AKR1B1: variants seen among roughly 807,000 people sequenced by gnomAD.
The protein encoded by AKR1B1 is aldo-keto reductase family 1 member B1.
Under a neutral mutation model 40.4 loss-of-function variants are expected in AKR1B1, and 22 were observed. That is an observed-to-expected ratio of 0.54 (90% CI 0.39 to 0.78). The LOEUF is 0.78. Ranked by LOEUF, AKR1B1 falls within the 30% of genes least tolerant of loss-of-function variation. AKR1B1 has a pLI of 0.00. For synonymous variants in AKR1B1, 157 were observed against 149.9 expected, an observed-to-expected ratio of 1.05 and a Z score of -0.35; for missense variants, 357 against 396.7, an observed-to-expected ratio of 0.90 and a Z score of 0.85.
At chr7:134,449,832 A>C in intron 3 of AKR1B1, 35 bp from the exon 4 acceptor site, 12 of 1,547,230 alleles carry the variant, frequency 7.8e-6, no homozygotes, top group Non-Finnish European at 1.1e-5. Context: ...AAACAAAACA[A>C]TCAGTAATAG....
rs147630649 is a variant in AKR1B1, at chr7:134,458,429, G to C, written c.66+568C>G. Among the ~76,000 whole-genome samples the C allele has an allele frequency of 2.1e-4, 32 of 152,228 alleles. No homozygotes were observed. The East Asian group carries it at 6.0e-3, about 29-fold the overall frequency. On this transcript the variant is annotated intron_variant, in intron 1 of 9. Coordinates refer to ENST00000285930, the MANE Select transcript of AKR1B1 (RefSeq NM_001628.4). ...TTAACAGCTGGGTCCGGGCAAACTC[G>C]CGCCACCTAATTCTCTGCCCTCTAC...
At chr7:134,456,346 C>G (rs189738940) in intron 1 of AKR1B1, among the ~76,000 whole-genome samples, 267 of 152,024 alleles carry the variant, frequency 1.8e-3, no homozygotes, top group Non-Finnish European at 3.3e-3. Context: ...ACTACAGGTG[C>G]GTGCCACGAT....
chr7:134,451,138 G>A (rs1806274116), intron 2 of AKR1B1, among the ~76,000 whole-genome samples: 1 of 152,214 alleles, frequency 6.6e-6, no homozygotes, highest in Non-Finnish European at 1.5e-5. Flanking sequence ...GGACAGATTG[G>A]CTAGCCTGCC....
In AKR1B1 at chr7:134,450,784, A is replaced by G. The variant is rs766919117; in HGVS notation, c.351+2T>C. On this transcript the variant is annotated splice_donor_variant, in intron 3 of 9. Transcript: ENST00000285930. LOFTEE classifies it high-confidence loss of function. ...ACCTGGTCTGCACCAGGCATCCCAT[A>G]CCTTAAAGCCAGTCGGCCAGTGAAT... 3.7e-6 allele frequency: 6 copies of G among 1,613,076 alleles called. No individual in the cohort carries two copies. The highest frequency in any genetic ancestry group is 1.3e-5 in the African/African-American group (1 of 75,010).
At chr7:134,452,396 C>T (rs1737172073) in intron 1 of AKR1B1, among the ~76,000 whole-genome samples, 1 of 152,160 alleles carries the variant, frequency 6.6e-6, no homozygotes, top group African/African-American at 2.4e-5. Context: ...GAGGTATCAG[C>T]AGAGAGAAAT....
chr7:134,449,832 A>G, intron 3 of AKR1B1, 35 bp from the exon 4 acceptor site: 1 of 1,547,240 alleles, frequency 6.5e-7, no homozygotes, highest in East Asian at 2.2e-5. Flanking sequence ...AAACAAAACA[A>G]TCAGTAATAG....
At chr7:134,448,620 T>C in intron 5 of AKR1B1, 127 bp from the exon 6 acceptor site, 1 of 756,576 alleles carries the variant, frequency 1.3e-6, no homozygotes. Flanking sequence ...AAACACCCTA[T>C]TTCCCAGATA....
At position 134,458,984 on chromosome 7, in the gene AKR1B1, C is replaced by A. The variant is rs1341102615; in HGVS notation, c.66+13G>T. 1.2e-6 allele frequency: 2 copies of A among 1,603,904 alleles called. No homozygotes were observed. Among genetic ancestry groups the A allele is most frequent in the African/African-American group, 1.3e-5 (1 of 74,718 alleles). Reference sequence around the variant, plus strand: ...GAGGCGAGCCCCGGGCCCGCGCCCCCACGAGCACCTACCTTCCAGGTACCC... The same window carrying A: ...GAGGCGAGCCCCGGGCCCGCGCCCCAACGAGCACCTACCTTCCAGGTACCC... On this transcript the variant is annotated intron_variant, in intron 1 of 9. Coordinates refer to ENST00000285930, the MANE Select transcript of AKR1B1 (RefSeq NM_001628.4).
intron 6 of AKR1B1, 129 bp from the exon 7 acceptor site, chr7:134,448,190 G>C: frequency 2.1e-6 from 2 of 938,842 alleles, no homozygotes; most frequent in South Asian, 1.4e-5. Context: ...GCTGGGTTAA[G>C]AACCCCCAAC....
intron 1 of AKR1B1, among the ~76,000 whole-genome samples, chr7:134,452,647 T>C (rs972858746): frequency 6.6e-6 from 1 of 152,200 alleles, no homozygotes; most frequent in East Asian, 1.9e-4. Flanking sequence ...ACTATCCTGC[T>C]ATGATCACAG....
At chr7:134,451,260 G>A (rs572775038) in intron 2 of AKR1B1, 2 of 527,882 alleles carry the variant, frequency 3.8e-6, no homozygotes, top group South Asian at 4.0e-5. Context: ...GTCAAAGACA[G>A]TGGCTAGCAC....
chr7:134,452,939 C>T (rs866584526), intron 1 of AKR1B1, among the ~76,000 whole-genome samples: 4 of 152,136 alleles, frequency 2.6e-5, no homozygotes, highest in Non-Finnish European at 5.9e-5. Context: ...TAAGAGGGGA[C>T]GACCCTCAGA....
Position 134,448,466 on chromosome 7 carries a change from C to T in AKR1B1, c.580G>A (p.Glu194Lys). ...QIECHPYLTQ[E>K]KLIQYCQSKG... is the part of the protein sequence containing the mutation. ...GACTGGCAGTACTGGATTAACTTCT[C>T]CTGAGTGAGATATGGGTGGCACTCA... The change falls in exon 6 of 10, where the codon GAG becomes AAG. Residue 194 changes from glutamate (E) to lysine (K), a missense_variant. Coordinates refer to ENST00000285930, the MANE Select transcript of AKR1B1 (RefSeq NM_001628.4). 6.2e-7 allele frequency: 1 copy of T among 1,614,020 alleles called. No individual in the cohort carries two copies. Among genetic ancestry groups the T allele is most frequent in the African/African-American group, 1.3e-5 (1 of 75,006 alleles).
chr7:134,442,607 G>C lies in AKR1B1; in HGVS notation c.*121C>G. The C allele has an allele frequency of 1.1e-6, 1 of 895,814 alleles. No homozygotes were observed. Among genetic ancestry groups the C allele is most frequent in the Non-Finnish European group, 1.8e-6 (1 of 556,630 alleles). 55.5% of individuals were successfully genotyped at this position (895,814 alleles called of 1,614,324 possible). A position where few individuals can be genotyped will look rare whatever the true frequency, so the allele number is the denominator to read the frequency against. On this transcript the variant is annotated 3_prime_UTR_variant, in exon 10 of 10. Transcript: ENST00000285930. Reference sequence around the variant, plus strand: ...CATCAAGCTAGACACGCCCTCGCTGGCCACTCTACAGGTTGCTGTCCCACT... The same window carrying C: ...CATCAAGCTAGACACGCCCTCGCTGCCCACTCTACAGGTTGCTGTCCCACT...
chr7:134,450,389 T>C (rs1428938747), intron 3 of AKR1B1, among the ~76,000 whole-genome samples: 1 of 152,086 alleles, frequency 6.6e-6, no homozygotes, highest in African/African-American at 2.4e-5. Context: ...AGAACGTGGG[T>C]AGGGACTCAT....
In AKR1B1 at chr7:134,448,018, T is replaced by A; in HGVS notation, c.703A>T (p.Lys235Ter). The stretch of plus-strand genomic sequence containing the variant: ...TTATTGTGCTTGGCTGCGATCGCCT[T>A]GATCCTGGGATCCTCCAGGAGAGAA... ...DPSLLEDPRI[K>*]AIAAKHNKTT... is the part of the protein sequence containing the mutation. Residue 235 changes from lysine to a stop codon, truncating the protein, a stop_gained, in exon 7 of 10, where the codon AAG becomes TAG. Transcript: ENST00000285930. LOFTEE classifies it high-confidence loss of function. 3.7e-6 allele frequency: 6 copies of A among 1,613,390 alleles called. No homozygotes were observed. The highest frequency in any genetic ancestry group is 5.1e-6 in the Non-Finnish European group (6 of 1,179,836).
Position 134,451,876 on chromosome 7 carries a change from G to A in AKR1B1, c.67-123C>T, listed in dbSNP as rs540305780. 1.1e-3 allele frequency: 1,138 copies of A among 1,048,588 alleles called. 3 individuals carry two copies. The highest frequency in any genetic ancestry group is 1.7e-3 in the Middle Eastern group (8 of 4,690). The allele number at this position is 1,048,588 out of a possible 1,614,324, so 65.0% of individuals were successfully genotyped here. A position where few individuals can be genotyped will look rare whatever the true frequency, so the allele number is the denominator to read the frequency against. On this transcript the variant is annotated intron_variant, in intron 1 of 9. Transcript: ENST00000285930. Reference sequence around the variant, plus strand: ...ACTTTGTTCAGCAAAGACAGACCACGTGCACTTCCTCAGCAGCATTCTGGA... The same window carrying A: ...ACTTTGTTCAGCAAAGACAGACCACATGCACTTCCTCAGCAGCATTCTGGA...
intron 2 of AKR1B1, 37 bp from the exon 3 acceptor site, chr7:134,450,939 C>T (rs1250751152): frequency 9.0e-6 from 14 of 1,554,618 alleles, no homozygotes; most frequent in African/African-American, 4.1e-5. Context: ...TCATTGCCAG[C>T]CACAAGGCAG....
intron 1 of AKR1B1, among the ~76,000 whole-genome samples, chr7:134,456,253 G>A (rs1453951299): frequency 2.6e-5 from 4 of 152,232 alleles, no homozygotes; most frequent in Non-Finnish European, 5.9e-5. Flanking sequence ...AGGCTGGAGT[G>A]CAGTGGCGGG....
Sources: gnomAD v4.1 joint callset for allele counts (sites outside exome capture counted in the v4.1 genomes callset) on GRCh38, gnomAD v4.1.1 for gene constraint, MANE v1.5 for transcripts, NCBI Gene and HGNC (gene_info 2026-07-23, HGNC 2026-07-21) for gene names.